Variants in PGM5 observed in about 807,000 individuals in gnomAD.
PGM5 encodes phosphoglucomutase 5, also known as phosphoglucomutase-like protein 5.
In PGM5, 23 loss-of-function variants were observed where a neutral mutation model predicts 59.2. The observed-to-expected ratio is 0.39, with a 90% CI of 0.28 to 0.55. The LOEUF (loss-of-function observed/expected upper bound fraction) is 0.55, where lower values mean the gene tolerates loss of function less well. PGM5 is among the 20% of genes least tolerant of loss of function. The pLI, the probability that PGM5 is intolerant of heterozygous loss-of-function variation, is 0.66. For synonymous variants in PGM5, 214 were observed against 286.0 expected (o/e 0.75, Z 2.54); for missense variants, 574 against 748.3 (o/e 0.77, Z 2.72).
chr9:68,498,277 A>G (rs1331015582), intron 9 of PGM5: 1 of 152,116 alleles, frequency 6.6e-6, no homozygotes, highest in African/African-American at 2.4e-5. Context: ...GGCAATATAA[A>G]TTGATAGTTT....
At chr9:68,484,800 C>A (rs1824268179) in intron 9 of PGM5, among the ~76,000 whole-genome samples, 3 of 152,068 alleles carry the variant, frequency 2.0e-5, no homozygotes, top group Non-Finnish European at 4.4e-5. Flanking sequence ...GTCCTTGGGG[C>A]CTCAGTGAGT....
At chr9:68,507,618 A>G (rs1824678974) in intron 10 of PGM5, among the ~76,000 whole-genome samples, 1 of 151,862 alleles carries the variant, frequency 6.6e-6, no homozygotes, top group African/African-American at 2.4e-5. Context: ...AACAAGAAAC[A>G]AGTTCTGGTC....
intron 10 of PGM5, among the ~76,000 whole-genome samples, chr9:68,516,667 G>A (rs1364354341): frequency 6.6e-6 from 1 of 152,074 alleles, no homozygotes. Flanking sequence ...CAACATGGGA[G>A]GGGGAAGAGC....
intron 10 of PGM5, among the ~76,000 whole-genome samples, chr9:68,507,842 C>T (rs1281013424): frequency 2.0e-5 from 3 of 152,146 alleles, no homozygotes; most frequent in Admixed American, 6.5e-5. Flanking sequence ...AATCTGGACT[C>T]ATACTCTGCC....
At chr9:68,443,106 G>T (rs1350579144) in intron 6 of PGM5, among the ~76,000 whole-genome samples, 1 of 152,066 alleles carries the variant, frequency 6.6e-6, no homozygotes, top group Non-Finnish European at 1.5e-5. Flanking sequence ...ATTCATAATA[G>T]CCCCCAAAAT....
Position 68,511,615 on chromosome 9 carries a change from A to G in PGM5, c.1614+12254A>G, listed in dbSNP as rs564457367. Among the ~76,000 whole-genome samples the G allele has an allele frequency of 2.5e-5, 3 of 118,984 alleles. No homozygotes were observed. In the East Asian group the frequency reaches 9.4e-4, roughly 37 times the overall value. 78.1% of individuals were successfully genotyped at this position (118,984 alleles called of 152,430 possible). ...CACCAGGCTGGAGTGCAGTGGTGCA[A>G]TCTCAGCTCACTGCAACCTCCACCT... On this transcript the variant is annotated intron_variant, in intron 10 of 10. Transcript: ENST00000396396.
At chr9:68,420,314 C>A (rs1823106542) in intron 6 of PGM5, among the ~76,000 whole-genome samples, 1 of 152,108 alleles carries the variant, frequency 6.6e-6, no homozygotes, top group South Asian at 2.1e-4. Flanking sequence ...AAGAAAAATT[C>A]TCTGCTTGTG....
intron 1 of PGM5, among the ~76,000 whole-genome samples, chr9:68,365,868 A>G (rs1272438836): frequency 6.6e-6 from 1 of 152,210 alleles, no homozygotes; most frequent in Non-Finnish European, 1.5e-5. Context: ...CTGGAAGGAG[A>G]GTTTTACAAC....
intron 6 of PGM5, chr9:68,396,795 T>C (rs528196853): frequency 6.6e-6 from 1 of 152,284 alleles, no homozygotes; most frequent in Non-Finnish European, 1.5e-5. Context: ...TGGTTTCCCA[T>C]ATAGCTTATT....
intron 8 of PGM5, among the ~76,000 whole-genome samples, chr9:68,481,761 C>T (rs1824200123): frequency 6.6e-6 from 1 of 152,088 alleles, no homozygotes; most frequent in South Asian, 2.1e-4. Flanking sequence ...TTAATTTCTT[C>T]TAGGACATTG....
intron 10 of PGM5, among the ~76,000 whole-genome samples, chr9:68,507,158 G>C (rs569988752): frequency 6.6e-6 from 1 of 152,122 alleles, no homozygotes; most frequent in African/African-American, 2.4e-5. Flanking sequence ...TGGAACTATG[G>C]GGGAGGGCAA....
At chr9:68,463,879 T>G (rs538495750) in intron 6 of PGM5, among the ~76,000 whole-genome samples, 1 of 152,278 alleles carries the variant, frequency 6.6e-6, no homozygotes, top group South Asian at 2.1e-4. Flanking sequence ...GCAAAAGTAA[T>G]AGCCATTCAG....
rs1295931909 is a variant in PGM5 at position 68,465,115 on chromosome 9, C to T, written c.1066C>T (p.Pro356Ser). The T allele has an allele frequency of 6.2e-7, 1 of 1,607,850 alleles. No homozygotes were observed. Among genetic ancestry groups the T allele is most frequent in the Non-Finnish European group, 8.5e-7 (1 of 1,175,224 alleles). ...LDRVAKSMKV[P>S]VYETPAGWRF... ...CAGAGTGGCCAAATCAATGAAGGTC[C>T]CTGTATATGAGACCCCAGCTGGATG... The change falls in exon 7 of 11, where the codon CCT becomes TCT. Residue 356 changes from proline to serine, a missense_variant. By Grantham distance (74) the Pro-to-Ser change is moderately conservative. Coordinates refer to ENST00000396396, the MANE Select transcript of PGM5 (RefSeq NM_021965.4).
chr9:68,428,332 G>T lies in PGM5; in HGVS notation c.1043+35859G>T, dbSNP rs140081297. 7.9e-4 allele frequency among the ~76,000 whole-genome samples: 121 copies of T among 152,262 alleles called. 1 individual carries two copies. The highest frequency in any genetic ancestry group is 2.7e-3 in the African/African-American group (114 of 41,544). ...GAGACGGCTCTAGCACTGTTGTGTT[G>T]CATGGGATATTGGAGGCAATTTCAT... is the stretch of plus-strand genomic sequence containing the variant. On this transcript the variant is annotated intron_variant, in intron 6 of 10. Transcript: ENST00000396396.
chr9:68,501,004 C>A (rs1368576842), intron 10 of PGM5, among the ~76,000 whole-genome samples: 2 of 151,990 alleles, frequency 1.3e-5, no homozygotes, highest in African/African-American at 4.8e-5. Context: ...CTGAAAGTCT[C>A]CATCAGCCTA....
At chr9:68,421,256 T>G (rs1208865109) in intron 6 of PGM5, among the ~76,000 whole-genome samples, 2 of 152,164 alleles carry the variant, frequency 1.3e-5, no homozygotes, top group African/African-American at 4.8e-5. Context: ...GCCTGCTTCT[T>G]CTCTCACCCC....
At chr9:68,406,876 A>C (rs1253096874) in intron 6 of PGM5, among the ~76,000 whole-genome samples, 1 of 150,746 alleles carries the variant, frequency 6.6e-6, no homozygotes, top group African/African-American at 2.4e-5. Context: ...ATTAAGGACT[A>C]AATGTTGGCC....
rs1824033038 is a variant in PGM5, at chr9:68,472,371, T to C, written c.1160-7047T>C. ...CCCCAACCCCCTCCTGGTTATTCTT[T>C]TGGATGAAGGTAGAAGGAATGCCAG... is the stretch of plus-strand genomic sequence containing the variant. On this transcript the variant is annotated intron_variant, in intron 7 of 10. Transcript: ENST00000396396. 3.3e-5 allele frequency among the ~76,000 whole-genome samples: 5 copies of C among 152,178 alleles called. No individual in the cohort carries two copies. The South Asian group carries it at 1.0e-3, about 32-fold the overall frequency.
rs1554688436 is a variant in PGM5 at position 68,499,369 on chromosome 9, A to G, written c.1614+8A>G. The G allele has an allele frequency of 6.2e-7, 1 of 1,613,736 alleles. No homozygotes were observed. The highest frequency in any genetic ancestry group is 2.2e-5 in the East Asian group (1 of 44,882). On this transcript the variant is annotated splice_region_variant and intron_variant, in intron 10 of 10. Transcript: ENST00000396396. ...CATGACCAGGAGCCACAGGTACAGA[A>G]ACAGCTGTGCTCCCAGCAGTGTGTC... is the stretch of plus-strand genomic sequence containing the variant.
Sources: allele counts gnomAD v4.1 joint callset (sites outside exome capture counted in the v4.1 genomes callset), GRCh38; gene constraint gnomAD v4.1.1; transcripts MANE v1.5; gene names NCBI Gene and HGNC (gene_info 2026-07-23, HGNC 2026-07-21).